The following TENM4 variants were observed in gnomAD, a reference collection of about 807,000 sequenced individuals.
The protein encoded by TENM4 is teneurin-4.
TENM4 carries 82 observed loss-of-function variants against 243.3 expected under a neutral mutation model. That is an observed-to-expected ratio of 0.34 (90% CI 0.28 to 0.40). TENM4 has a LOEUF of 0.40. Ranked by LOEUF, TENM4 falls within the 10% of genes least tolerant of loss-of-function variation. The probability of loss-of-function intolerance (pLI) is 1.00; values close to 1 mark genes in which losing one functional copy is unlikely to be tolerated. For synonymous variants in TENM4, 1,412 were observed against 1,456.3 expected (o/e 0.97, Z 0.69); for missense variants, 3,138 against 3,673.3 (o/e 0.85, Z 3.77).
At chr11:78,699,309 A>G (rs989377031) in intron 28 of TENM4, among the ~76,000 whole-genome samples, 1 of 152,188 alleles carries the variant, frequency 6.6e-6, no homozygotes, top group Admixed American at 6.5e-5. Context: ...AATGTAGGTG[A>G]CCCTAGCCAG....
intron 3 of TENM4, among the ~76,000 whole-genome samples, chr11:79,170,518 G>C (rs975256589): frequency 1.3e-5 from 2 of 152,188 alleles, no homozygotes; most frequent in African/African-American, 2.4e-5. Context: ...AGTAGGGCAG[G>C]CCCCTAATCC....
intron 2 of TENM4, among the ~76,000 whole-genome samples, chr11:79,227,486 G>A (rs1239500410): frequency 1.3e-5 from 2 of 152,180 alleles, no homozygotes; most frequent in African/African-American, 2.4e-5. Flanking sequence ...TAGCCTCCAG[G>A]ACAGTGAATA....
At chr11:78,937,696 C>T (rs190228091) in intron 6 of TENM4, among the ~76,000 whole-genome samples, 29 of 152,268 alleles carry the variant, frequency 1.9e-4, no homozygotes, top group East Asian at 7.7e-4. Flanking sequence ...CAAGCCAAAA[C>T]GAAGCTGTTC....
At chr11:79,117,502 G>T (rs1186508538) in intron 4 of TENM4, among the ~76,000 whole-genome samples, 1 of 152,168 alleles carries the variant, frequency 6.6e-6, no homozygotes, top group Non-Finnish European at 1.5e-5. Context: ...CTGAGCACCT[G>T]CCAGGTGATG....
chr11:79,086,220 C>T (rs1208304523), intron 4 of TENM4, among the ~76,000 whole-genome samples: 2 of 152,208 alleles, frequency 1.3e-5, no homozygotes, highest in Non-Finnish European at 2.9e-5. Flanking sequence ...ATTGCCTTCT[C>T]CCCCTGCTTT....
intron 12 of TENM4, among the ~76,000 whole-genome samples, chr11:78,849,510 T>C (rs983879882): frequency 2.0e-5 from 3 of 152,228 alleles, no homozygotes; most frequent in African/African-American, 7.2e-5. Flanking sequence ...TCTAAACTTC[T>C]TGTGAGGATT....
chr11:78,747,800 T>G (rs1459658807), intron 19 of TENM4, among the ~76,000 whole-genome samples: 1 of 152,250 alleles, frequency 6.6e-6, no homozygotes, highest in Non-Finnish European at 1.5e-5. Flanking sequence ...CTCTAAATAT[T>G]TTAACTTCTT....
intron 20 of TENM4, among the ~76,000 whole-genome samples, chr11:78,737,510 C>T (rs572794438): frequency 1.3e-5 from 2 of 152,316 alleles, no homozygotes; most frequent in South Asian, 4.2e-4. Context: ...TAAAGAGGTG[C>T]TAAAATCAAT....
At chr11:78,688,002 G>A (rs772468543) in intron 29 of TENM4, 52 bp downstream of exon 29, 3 of 1,587,330 alleles carry the variant, frequency 1.9e-6, no homozygotes, top group Non-Finnish European at 2.6e-6. Context: ...CTCCTCCAAA[G>A]GGGTCTTCCC....
At chr11:78,858,744 G>A (rs971421762) in intron 10 of TENM4, among the ~76,000 whole-genome samples, 27 of 152,178 alleles carry the variant, frequency 1.8e-4, no homozygotes, top group Non-Finnish European at 5.9e-5. Flanking sequence ...GAGGCTAGAG[G>A]CAATTGGAGG....
chr11:78,948,206 T>C (rs544001919), intron 6 of TENM4, among the ~76,000 whole-genome samples: 1 of 152,346 alleles, frequency 6.6e-6, no homozygotes, highest in East Asian at 1.9e-4. Flanking sequence ...AAAGTTTTTC[T>C]GAATCATCTG....
intron 6 of TENM4, among the ~76,000 whole-genome samples, chr11:79,002,714 C>T (rs1858364936): frequency 6.6e-6 from 1 of 152,194 alleles, no homozygotes; most frequent in Admixed American, 6.5e-5. Flanking sequence ...AGAACTAGTG[C>T]AATAACTTTG....
At chr11:79,042,448 T>G (rs2136906373) in intron 6 of TENM4, among the ~76,000 whole-genome samples, 1 of 152,240 alleles carries the variant, frequency 6.6e-6, no homozygotes, top group Middle Eastern at 3.4e-3. Flanking sequence ...ATGAATGGGA[T>G]TAGTGACCTT....
intron 13 of TENM4, among the ~76,000 whole-genome samples, chr11:78,813,003 C>G (rs1253279347): frequency 6.6e-6 from 1 of 152,130 alleles, no homozygotes; most frequent in Non-Finnish European, 1.5e-5. Context: ...CTTTTTTACA[C>G]GTGACTCTTA....
rs147699647 is a variant in TENM4, at chr11:78,855,305, C to G, written c.1470+659G>C. 2.8e-3 allele frequency among the ~76,000 whole-genome samples: 423 copies of G among 152,334 alleles called. 1 individual carries two copies. The highest frequency in any genetic ancestry group is 0.02 in the Middle Eastern group (6 of 294). ...ATGAATGCCTATGATTTACATTACT[C>G]CAATTCCAGGGCTGGCAGGACCTTG... On this transcript the variant is annotated intron_variant, in intron 11 of 33. Coordinates refer to ENST00000278550, the MANE Select transcript of TENM4 (RefSeq NM_001098816.3).
intron 1 of TENM4, among the ~76,000 whole-genome samples, chr11:79,363,444 A>T (rs1341735615): frequency 6.6e-6 from 1 of 152,260 alleles, no homozygotes; most frequent in Non-Finnish European, 1.5e-5. Flanking sequence ...ATGGAATTTG[A>T]CTAACCTGAG....
In TENM4 at chr11:79,069,994, C is replaced by T; in HGVS notation, c.-50G>A. The T allele has an allele frequency of 1.3e-6, 2 of 1,529,732 alleles. No homozygotes were observed. Among genetic ancestry groups the T allele is most frequent in the Non-Finnish European group, 1.8e-6 (2 of 1,140,750 alleles). The allele number at this position is 1,529,732 out of a possible 1,614,324, so 94.8% of individuals were successfully genotyped here. A position where few individuals can be genotyped will look rare whatever the true frequency, so the allele number is the denominator to read the frequency against. ...ATCCACAAACAGGGTCCTCGCCGCA[C>T]TCAGGGCCGAGTGGTCTAGAGCCAG... On this transcript the variant is annotated 5_prime_UTR_variant, in exon 5 of 34. In the 5' UTR this introduces an upstream ATG that the reference lacks. Transcript: ENST00000278550.
chr11:79,236,071 C>A (rs941690457), intron 2 of TENM4, among the ~76,000 whole-genome samples: 1 of 152,150 alleles, frequency 6.6e-6, no homozygotes, highest in Admixed American at 6.6e-5. Context: ...GAAGGATACT[C>A]AGGGTTCACG....
intron 19 of TENM4, among the ~76,000 whole-genome samples, chr11:78,739,070 A>T (rs147436933): frequency 8.2e-4 from 125 of 152,246 alleles, no homozygotes; most frequent in African/African-American, 2.9e-3. Context: ...AAGTGAACAT[A>T]CAAAAAAGTG....
Sources: allele counts gnomAD v4.1 joint callset (sites outside exome capture counted in the v4.1 genomes callset), GRCh38; gene constraint gnomAD v4.1.1; transcripts MANE v1.5; gene names NCBI Gene and HGNC (gene_info 2026-07-23, HGNC 2026-07-21).